Variants in CDH23 observed in about 807,000 individuals in gnomAD.
The protein encoded by CDH23 is cadherin-23.
In CDH23, 189 loss-of-function variants were observed where a neutral mutation model predicts 317.1. The ratio of observed to expected loss-of-function variants is 0.60; its 90% CI spans 0.53 to 0.67. The LOEUF is 0.67. Ranked by LOEUF, CDH23 falls within the 30% of genes least tolerant of loss-of-function variation. The probability of loss-of-function intolerance (pLI) is 0.00; values close to 1 mark genes in which losing one functional copy is unlikely to be tolerated. For missense variants in CDH23, 4,401 were observed against 4,592.4 expected, an observed-to-expected ratio of 0.96 and a Z score of 1.20; for synonymous variants, 1,839 against 1,876.8, an observed-to-expected ratio of 0.98 and a Z score of 0.52.
intron 37 of CDH23, 130 bp from the exon 38 acceptor site, chr10:71,741,564 C>G (rs1839732662): frequency 1.4e-6 from 1 of 708,682 alleles, no homozygotes; most frequent in Admixed American, 2.4e-5. Flanking sequence ...TTATCTCCAT[C>G]ATTGCTCTGG....
At chr10:71,421,123 C>T (rs1409680741) in intron 1 of CDH23, among the ~76,000 whole-genome samples, 1 of 152,218 alleles carries the variant, frequency 6.6e-6, no homozygotes, top group African/African-American at 2.4e-5. Flanking sequence ...GATAGGAGCC[C>T]TTTCAGCTCC....
At position 71,760,988 on chromosome 10, in the gene CDH23, C is replaced by A. The variant is rs1840367557; in HGVS notation, c.4846-16692C>A. The A allele has an allele frequency of 3.3e-6, 5 of 1,527,052 alleles. No homozygotes were observed. In the South Asian group the frequency reaches 5.6e-5, roughly 17 times the overall value. The allele number at this position is 1,527,052 out of a possible 1,614,324, so 94.6% of individuals were successfully genotyped here. On this transcript the variant is annotated intron_variant, in intron 38 of 69. Transcript: ENST00000224721. ...GGCCCAGGAGGCCAGGGAGGCTTGT[C>A]CAGGCCAGTGTCCCCCTCCTGCCCC...
intron 32 of CDH23, chr10:71,732,672 C>A: frequency 7.3e-7 from 1 of 1,361,338 alleles, no homozygotes; most frequent in Non-Finnish European, 9.5e-7. Flanking sequence ...ATCAATATCC[C>A]TGTAACACAT....
intron 6 of CDH23, among the ~76,000 whole-genome samples, chr10:71,558,818 TC>T (rs1856990671): frequency 6.6e-6 from 1 of 152,190 alleles, no homozygotes; most frequent in Non-Finnish European, 1.5e-5. Flanking sequence ...GCACCAGTTT[TC>T]CTTTTTACTG....
intron 28 of CDH23, chr10:71,716,883 G>A (rs965659802): frequency 2.0e-5 from 3 of 152,260 alleles, no homozygotes; most frequent in African/African-American, 7.2e-5. Context: ...AAAAATATAT[G>A]GGTGCCTGAA....
intron 45 of CDH23, 71 bp downstream of exon 45, chr10:71,789,113 C>T (rs1013917292): frequency 2.5e-6 from 2 of 786,060 alleles, no homozygotes; most frequent in Non-Finnish European, 4.5e-6. Flanking sequence ...GCCTGAGGAC[C>T]TCCCTTATGC....
At chr10:71,487,482 G>A (rs976086988) in intron 3 of CDH23, among the ~76,000 whole-genome samples, 1 of 152,162 alleles carries the variant, frequency 6.6e-6, no homozygotes, top group Non-Finnish European at 1.5e-5. Context: ...ATAAGAAACT[G>A]CAAACAGCGG....
intron 62 of CDH23, among the ~76,000 whole-genome samples, chr10:71,810,909 C>T (rs762581542): frequency 3.3e-5 from 5 of 152,024 alleles, no homozygotes; most frequent in East Asian, 1.9e-4. Context: ...GGAGAAACCT[C>T]GTCTCTACTA....
At chr10:71,638,695 GATGTCTGTTGAGGGCCCAAC>G (rs1478165244) in intron 11 of CDH23, among the ~76,000 whole-genome samples, 1 of 152,216 alleles carries the variant, frequency 6.6e-6, no homozygotes, top group Non-Finnish European at 1.5e-5. Flanking sequence ...TTAACGAGCT[GATGTCTGTTGAGGGCCCAAC>G]ATGTAAGCTC....
chr10:71,806,092 G>T (rs1377628301), intron 56 of CDH23, 76 bp from the exon 57 acceptor site: 16 of 1,531,224 alleles, frequency 1.0e-5, no homozygotes, highest in African/African-American at 2.8e-5. Flanking sequence ...GTCCCTAGGG[G>T]AACTGGCCAC....
chr10:71,775,870 C>T (rs1840805974), intron 38 of CDH23, among the ~76,000 whole-genome samples: 1 of 152,172 alleles, frequency 6.6e-6, no homozygotes, highest in African/African-American at 2.4e-5. Flanking sequence ...CTCTGCAGGG[C>T]CTGGAGGCAG....
At chr10:71,553,676 G>A (rs1046464444) in intron 6 of CDH23, among the ~76,000 whole-genome samples, 5 of 152,198 alleles carry the variant, frequency 3.3e-5, no homozygotes, top group African/African-American at 4.8e-5. Context: ...GTTAGGCACC[G>A]CTTCCCATAG....
intron 11 of CDH23, among the ~76,000 whole-genome samples, chr10:71,620,873 G>A (rs1464244082): frequency 2.0e-5 from 3 of 152,220 alleles, no homozygotes; most frequent in Non-Finnish European, 4.4e-5. Flanking sequence ...ATAAGAGGGA[G>A]GGATGAGTTG....
Position 71,645,865 on chromosome 10 carries a change from G to A in CDH23, c.1175G>A (p.Gly392Glu), listed in dbSNP as rs1361076226. 1.2e-6 allele frequency: 2 copies of A among 1,612,744 alleles called. No homozygotes were observed. Among genetic ancestry groups the A allele is most frequent in the Non-Finnish European group, 1.7e-6 (2 of 1,179,070 alleles). The change falls in exon 13 of 70, where the codon GGG becomes GAG. Residue 392 changes from glycine (G) to glutamate (E), a missense_variant. Coordinates refer to ENST00000224721, the MANE Select transcript of CDH23 (RefSeq NM_022124.6). Reference sequence around the variant, plus strand: ...AGCATGTTTGAGGTGTACTTGGTGGGGAACAACTCCCACCACTTCATCATC... The same window carrying A: ...AGCATGTTTGAGGTGTACTTGGTGGAGAACAACTCCCACCACTTCATCATC... Reference protein sequence around the residue: ...LNSMFEVYLVGNNSHHFIISP... With the variant: ...LNSMFEVYLVENNSHHFIISP...
chr10:71,790,188 C>G, intron 45 of CDH23, 100 bp from the exon 46 acceptor site: 1 of 1,493,586 alleles, frequency 6.7e-7, no homozygotes, highest in Middle Eastern at 2.1e-4. Flanking sequence ...TCCCTCCCCT[C>G]TCATCCATCG....
intron 6 of CDH23, among the ~76,000 whole-genome samples, chr10:71,534,423 C>T (rs1855585993): frequency 6.6e-6 from 1 of 152,194 alleles, no homozygotes; most frequent in Non-Finnish European, 1.5e-5. Flanking sequence ...CTGCGGAATC[C>T]CCACAGCCCC....
intron 3 of CDH23, among the ~76,000 whole-genome samples, chr10:71,494,663 G>A (rs1176924198): frequency 6.6e-6 from 1 of 152,220 alleles, no homozygotes; most frequent in African/African-American, 2.4e-5. Context: ...GAAGCAAGCT[G>A]GCCCCCAGGG....
intron 38 of CDH23, among the ~76,000 whole-genome samples, chr10:71,759,884 C>CACACACACGT (rs1554868497): frequency 1.2e-4 from 6 of 49,120 alleles, no homozygotes; most frequent in African/African-American, 3.9e-4. Flanking sequence ...CACACACACA[C>CACACACACGT]ATATACACAC....
In CDH23 at chr10:71,793,636, C is replaced by A; in HGVS notation, c.6708C>A (p.Asn2236Lys). The change falls in exon 48 of 70, where the codon AAC (asparagine) becomes AAA (lysine). Residue 2236 changes from asparagine to lysine, a missense_variant. Asn to Lys is a moderately conservative substitution (Grantham distance 94, BLOSUM62 0). Transcript: ENST00000224721. Reference sequence around the variant, plus strand: ...AGGACGCCTTTGCTGTGAATATCAACACAGGTACAAGGGCCTGCACCCCTC... The same window carrying A: ...AGGACGCCTTTGCTGTGAATATCAAAACAGGTACAAGGGCCTGCACCCCTC... ...NQEDAFAVNI[N>K]TGSVMVKSPM... is the part of the protein sequence containing the mutation. 6.3e-7 allele frequency: 1 copy of A among 1,580,768 alleles called. No individual in the cohort carries two copies. Among genetic ancestry groups the A allele is most frequent in the Non-Finnish European group, 8.6e-7 (1 of 1,162,326 alleles).
Sources: allele counts gnomAD v4.1 joint callset (sites outside exome capture counted in the v4.1 genomes callset), GRCh38; gene constraint gnomAD v4.1.1; transcripts MANE v1.5; gene names NCBI Gene and HGNC (gene_info 2026-07-23, HGNC 2026-07-21).